SMIM36: variants seen among roughly 807,000 people sequenced by gnomAD.
SMIM36 encodes the protein small integral membrane protein 36.
chr17:55,464,318 G>A (rs748936623), intron 4 of SMIM36, among the ~76,000 whole-genome samples: 1 of 152,036 alleles, frequency 6.6e-6, no homozygotes, highest in Non-Finnish European at 1.5e-5. Flanking sequence ...GAACAAGCTC[G>A]ACCTAGGCCT....
rs140980268 is a variant in SMIM36 at position 55,470,247 on chromosome 17, C to T, written c.*348-2919G>A. On this transcript the variant is annotated intron_variant, in intron 3 of 4. Transcript: ENST00000636752. ...CAAGACTCTCTGACTGACTCCTTCC[C>T]CACCGATCCCAAAGGCTCTCTGATT... Among the ~76,000 whole-genome samples, 1,395 of 152,260 alleles carry T rather than the reference C, an allele frequency of 9.2e-3. 19 individuals are homozygous for T. Among genetic ancestry groups the T allele is most frequent in the African/African-American group, 0.032 (1,319 of 41,548 alleles).
chr17:55,480,268 C>T (rs4476231), intron 1 of SMIM36, among the ~76,000 whole-genome samples: 119,902 of 151,368 alleles, frequency 0.79, 47,944 homozygotes, highest in Non-Finnish European at 0.82. Flanking sequence ...GCAATGACCT[C>T]TTGATTACCT....
At chr17:55,453,223 G>A (rs1410651941) in intron 4 of SMIM36, among the ~76,000 whole-genome samples, 4 of 151,878 alleles carry the variant, frequency 2.6e-5, no homozygotes, top group South Asian at 4.1e-4. Flanking sequence ...AGACTGAGGC[G>A]GGAAGATGGC....
At chr17:55,500,438 G>T (rs146302978) in intron 1 of SMIM36, among the ~76,000 whole-genome samples, 1 of 151,960 alleles carries the variant, frequency 6.6e-6, no homozygotes, top group East Asian at 1.9e-4. Flanking sequence ...AAAATTCTTA[G>T]TTCTAGTTCT....
intron 1 of SMIM36, among the ~76,000 whole-genome samples, chr17:55,508,999 T>C (rs1039197074): frequency 6.7e-6 from 1 of 148,260 alleles, no homozygotes; most frequent in African/African-American, 2.5e-5. Flanking sequence ...CTCTGAAGGG[T>C]TTTCAATATA....
chr17:55,474,544 C>T (rs1909396246), intron 3 of SMIM36, among the ~76,000 whole-genome samples: 2 of 152,076 alleles, frequency 1.3e-5, no homozygotes, highest in African/African-American at 2.4e-5. Flanking sequence ...TGAGTGGAAG[C>T]GTGGCCTGAT....
chr17:55,475,615 C>T (rs1456928225), intron 3 of SMIM36, among the ~76,000 whole-genome samples: 3 of 152,190 alleles, frequency 2.0e-5, no homozygotes, highest in African/African-American at 7.2e-5. Flanking sequence ...CTAAATCAGT[C>T]TGGCTTGGTA....
rs557945569 is a variant in SMIM36 at position 55,478,239 on chromosome 17, T to C, written c.*347+523A>G. On this transcript the variant is annotated intron_variant, in intron 3 of 4. Transcript: ENST00000636752. ...TGTTACGTTGTGGGGAGGTTATTCC[T>C]TTTTTTTTTTTTCAGACAAGGTCTC... Among the ~76,000 whole-genome samples the C allele has an allele frequency of 6.3e-5, 9 of 141,832 alleles. No individual in the cohort carries two copies. In the South Asian group the frequency reaches 2.0e-3, roughly 32 times the overall value. The allele number at this position is 141,832 out of a possible 152,430, so 93.0% of individuals were successfully genotyped here. A position where few individuals can be genotyped will look rare whatever the true frequency, so the allele number is the denominator to read the frequency against.
At chr17:55,510,682 C>T (rs1451926619) in intron 1 of SMIM36, among the ~76,000 whole-genome samples, 197 bp downstream of exon 1, 1 of 151,124 alleles carries the variant, frequency 6.6e-6, no homozygotes, top group Non-Finnish European at 1.5e-5. Flanking sequence ...TAGTCTCATT[C>T]CTTATCACAC....
chr17:55,452,350 T>C (rs549872951), intron 4 of SMIM36, among the ~76,000 whole-genome samples: 36 of 152,324 alleles, frequency 2.4e-4, no homozygotes, highest in African/African-American at 8.7e-4. Flanking sequence ...GGCAGCAGTA[T>C]GTGTGTATAC....
chr17:55,520,768 T>C, the SMIM36 span, among the ~76,000 whole-genome samples: 1 of 152,198 alleles, frequency 6.6e-6, no homozygotes, highest in Non-Finnish European at 1.5e-5. Context: ...ACTGAAGCTG[T>C]GGAAAGTGAA....
At chr17:55,469,111 C>T (rs1909296049) in intron 3 of SMIM36, among the ~76,000 whole-genome samples, 1 of 150,042 alleles carries the variant, frequency 6.7e-6, no homozygotes, top group Admixed American at 6.6e-5. Flanking sequence ...TTTCTACAGA[C>T]AAATCTGACC....
intron 4 of SMIM36, among the ~76,000 whole-genome samples, chr17:55,457,220 C>T (rs1291394496): frequency 7.9e-5 from 12 of 151,916 alleles, no homozygotes; most frequent in East Asian, 3.9e-4. Context: ...GAGGCTGAGA[C>T]GGGCGGATCA....
At chr17:55,515,084 GTGTTTTTTTTTTTT>G (rs1406440654), upstream of SMIM36, among the ~76,000 whole-genome samples, 60 of 56,152 alleles carry the variant, frequency 1.1e-3, 1 homozygote, top group Middle Eastern at 0.012. Flanking sequence ...TTCTAGTCTA[GTGTTTTTTTTTTTT>G]TTTTTTTTTT....
At chr17:55,501,338 A>G (rs185497344) in intron 1 of SMIM36, among the ~76,000 whole-genome samples, 3,039 of 17,662 alleles carry the variant, frequency 0.17, 238 homozygotes, top group African/African-American at 0.27. Flanking sequence ...TATATAATAT[A>G]TTATATATTA....
chr17:55,501,351 T>TATAATATATAATATA (rs1567871109), intron 1 of SMIM36, among the ~76,000 whole-genome samples: 2 of 61,916 alleles, frequency 3.2e-5, no homozygotes, highest in African/African-American at 3.1e-4. Context: ...ATATATTATA[T>TATAATATATAATATA]TTTATAATAT....
At chr17:55,468,870 G>C (rs555658975) in intron 3 of SMIM36, among the ~76,000 whole-genome samples, 1 of 152,232 alleles carries the variant, frequency 6.6e-6, no homozygotes, top group African/African-American at 2.4e-5. Context: ...CTGGGCAATA[G>C]TTCCAAGTGG....
chr17:55,471,344 G>A (rs916119171), intron 3 of SMIM36, among the ~76,000 whole-genome samples: 5 of 152,010 alleles, frequency 3.3e-5, no homozygotes, highest in South Asian at 4.2e-4. Context: ...TTCCCAGCAG[G>A]ACACTGTCCT....
intron 3 of SMIM36, among the ~76,000 whole-genome samples, chr17:55,469,077 G>A (rs1316222608): frequency 8.6e-5 from 13 of 151,798 alleles, no homozygotes; most frequent in African/African-American, 2.9e-4. Flanking sequence ...TCCACCCCAA[G>A]TTCTGAGTCC....
Sources: gnomAD v4.1 joint callset for allele counts (sites outside exome capture counted in the v4.1 genomes callset) on GRCh38, gnomAD v4.1.1 for gene constraint, MANE v1.5 for transcripts, NCBI Gene and HGNC (gene_info 2026-07-23, HGNC 2026-07-21) for gene names.